The following TONSL variants were observed in gnomAD, a reference collection of about 807,000 sequenced individuals.
TONSL encodes tonsoku like, DNA repair protein.
Under a neutral mutation model 147.1 loss-of-function variants are expected in TONSL, and 112 were observed. That is an observed-to-expected ratio of 0.76 (90% CI 0.65 to 0.89). TONSL has a LOEUF of 0.89. Ranked by LOEUF, TONSL falls within the 40% of genes least tolerant of loss-of-function variation. The pLI, the probability that TONSL is intolerant of heterozygous loss-of-function variation, is 0.00. For missense variants in TONSL, 1,883 were observed against 1,864.6 expected (o/e 1.01, Z -0.18); for synonymous variants, 868 against 801.5 (o/e 1.08, Z -1.40).
In TONSL at chr8:144,430,482, T is replaced by TC. The variant is rs1211321623; in HGVS notation, c.3864dup (p.Ile1289AspfsTer21). 1.9e-6 allele frequency: 3 copies of TC among 1,613,548 alleles called. No individual in the cohort carries two copies. The highest frequency in any genetic ancestry group is 2.5e-6 in the Non-Finnish European group (3 of 1,179,742). The stretch of plus-strand genomic sequence containing the variant: ...AGCTCTTCCAAGCTGGCACAGCTGA[T>TC]CTCAGGGTTGGCAGACAGATCCAGT... On this transcript the variant is annotated frameshift_variant, in exon 25 of 26. Transcript: ENST00000409379. LOFTEE classifies it high-confidence loss of function.
Position 144,436,105 on chromosome 8 carries a change from G to T in TONSL, c.2328C>A (p.Pro776=), listed in dbSNP as rs545590970. The stretch of plus-strand genomic sequence containing the variant: ...CTGTGGCTGCTTCCCTGTTGCTGGC[G>T]GGGCCAGGCGTCCAGGCTGCCACCC... ...AQRVAAWTPG[P]ASNREAATAS... is the part of the protein sequence containing the mutation. Residue 776 remains proline, a synonymous_variant, in exon 17 of 26, where the codon CCC becomes CCA. Coordinates refer to ENST00000409379, the MANE Select transcript of TONSL (RefSeq NM_013432.5). 6 of 1,558,140 alleles carry T rather than the reference G, an allele frequency of 3.9e-6. No homozygotes were observed. Among genetic ancestry groups the T allele is most frequent in the African/African-American group, 2.7e-5 (2 of 73,986 alleles).
At chr8:144,439,729 G>C (rs1823626256) in intron 11 of TONSL, 1 of 469,192 alleles carries the variant, frequency 2.1e-6, no homozygotes, top group Non-Finnish European at 3.8e-6. Context: ...GCTCTTCAAA[G>C]TGCACCGTCT....
At chr8:144,430,972 T>C (rs1823163910) in intron 24 of TONSL, 106 bp downstream of exon 24, 1 of 1,319,990 alleles carries the variant, frequency 7.6e-7, no homozygotes, top group Non-Finnish European at 1.1e-6. Flanking sequence ...TCTTGGGATG[T>C]GCTGGGGAGG....
rs1194936395 is a variant in TONSL, at chr8:144,438,530, G to A, written c.1594C>T (p.Leu532=). 1 of 1,613,178 alleles carries A rather than the reference G, an allele frequency of 6.2e-7. No individual in the cohort carries two copies. Residue 532 remains leucine, a synonymous_variant, in exon 13 of 26, where the codon CTG becomes TTG. Transcript: ENST00000409379. The part of the protein sequence containing the change: ...WNRRNDMGET[L]LHRACIEGQL... ...CCCTCGATGCAGGCTCGGTGCAGCA[G>A]GGTCTCCCCCATGTCGTTTCGCCGG...
intron 7 of TONSL, chr8:144,441,315 A>G: frequency 4.2e-6 from 3 of 717,724 alleles, no homozygotes; most frequent in Middle Eastern, 4.0e-4. Context: ...ACTCGGGGCC[A>G]GGTACAGTGG....
chr8:144,433,636 G>A lies in TONSL; in HGVS notation c.3511C>T (p.Pro1171Ser). Residue 1171 changes from proline (P) to serine (S), a missense_variant, in exon 22 of 26, where the codon CCC becomes TCC. Physicochemically the swap from Pro to Ser is moderately conservative, Grantham distance 74 (BLOSUM62 -1). Coordinates refer to ENST00000409379, the MANE Select transcript of TONSL (RefSeq NM_013432.5). Reference sequence around the variant, plus strand: ...GTCTGGTGGCTCAGAAAGAAGCTGGGGCCGAAGCCACACGCCTGCAGGCGC... The same window carrying A: ...GTCTGGTGGCTCAGAAAGAAGCTGGAGCCGAAGCCACACGCCTGCAGGCGC... The part of the protein sequence containing the change: ...TLRLQACGFG[P>S]SFFLSHQTAL... The A allele has an allele frequency of 6.2e-7, 1 of 1,613,402 alleles. No homozygotes were observed. Among genetic ancestry groups the A allele is most frequent in the Non-Finnish European group, 8.5e-7 (1 of 1,179,964 alleles).
intron 23 of TONSL, 148 bp downstream of exon 23, chr8:144,432,137 T>C: frequency 1.1e-6 from 1 of 947,972 alleles, no homozygotes; most frequent in Non-Finnish European, 1.6e-6. Flanking sequence ...CCCAGCTGTT[T>C]TTTCTAAACC....
At chr8:144,442,640 G>A (rs1464356852) in intron 5 of TONSL, 37 bp downstream of exon 5, 2 of 1,598,842 alleles carry the variant, frequency 1.3e-6, no homozygotes, top group Non-Finnish European at 1.7e-6. Flanking sequence ...CAGGAACAAG[G>A]GACTCCACTC....
intron 25 of TONSL, 59 bp from the exon 26 acceptor site, chr8:144,429,395 C>G: frequency 7.5e-7 from 1 of 1,337,924 alleles, no homozygotes; most frequent in Non-Finnish European, 9.6e-7. Context: ...TCCTGGTGCC[C>G]GCGGCAGGCT....
In TONSL at chr8:144,440,025, C is replaced by T. The variant is rs751909785; in HGVS notation, c.1476G>A (p.Glu492=). 7.1e-6 allele frequency: 9 copies of T among 1,271,532 alleles called. No homozygotes were observed. The highest frequency in any genetic ancestry group is 6.8e-5 in the Admixed American group (4 of 58,778). The allele number at this position is 1,271,532 out of a possible 1,614,324, so 78.8% of individuals were successfully genotyped here. A position where few individuals can be genotyped will look rare whatever the true frequency, so the allele number is the denominator to read the frequency against. ...ALEAGEVELS[E]GEDDTDGLTP... is the part of the protein sequence containing the mutation. ...CAAGGTGCCGCTGGCCCTCACCGCC[C>T]TCTGAGAGCTCCACCTCGCCGGCCT... The change falls in exon 11 of 26, where the codon GAG becomes GAA. Residue 492 remains glutamate (E), a synonymous_variant. Coordinates refer to ENST00000409379, the MANE Select transcript of TONSL (RefSeq NM_013432.5).
At chr8:144,432,110 G>A (rs1294758263) in intron 23 of TONSL, among the ~76,000 whole-genome samples, 175 bp downstream of exon 23, 1 of 152,094 alleles carries the variant, frequency 6.6e-6, no homozygotes, top group Non-Finnish European at 1.5e-5. Flanking sequence ...ACAGGCGTGA[G>A]CCACCGCGCC....
chr8:144,443,088 C>A, intron 4 of TONSL, 50 bp downstream of exon 4: 1 of 1,529,240 alleles, frequency 6.5e-7, no homozygotes, highest in Non-Finnish European at 8.8e-7. Context: ...GGGCTGCAGC[C>A]TCTTCGGCCC....
In TONSL at chr8:144,442,729, G is replaced by T; in HGVS notation, c.526C>A (p.Gln176Lys). ...LNLGLTFESL[Q>K]QTALCNDYFR... is the part of the protein sequence containing the mutation. ...TAATCGTTGCACAGGGCTGTCTGCTGCAGGCTCTCAAAGGTGAGGCCCAGG... is the reference window on the plus strand; with the variant it reads ...TAATCGTTGCACAGGGCTGTCTGCTTCAGGCTCTCAAAGGTGAGGCCCAGG... The change falls in exon 5 of 26, where the codon CAG becomes AAG. Residue 176 changes from glutamine to lysine, a missense_variant. Gln to Lys is a moderately conservative substitution (Grantham distance 53). Coordinates refer to ENST00000409379, the MANE Select transcript of TONSL (RefSeq NM_013432.5). 1 of 1,613,062 alleles carries T rather than the reference G, an allele frequency of 6.2e-7. No individual in the cohort carries two copies. Among genetic ancestry groups the T allele is most frequent in the Non-Finnish European group, 8.5e-7 (1 of 1,179,968 alleles).
intron 11 of TONSL, 26 bp from the exon 12 acceptor site, chr8:144,438,761 G>C: frequency 6.2e-7 from 1 of 1,609,968 alleles, no homozygotes; most frequent in Non-Finnish European, 8.5e-7. Context: ...GCCCACCCCA[G>C]GGGAGTCCGT....
intron 18 of TONSL, 120 bp from the exon 19 acceptor site, chr8:144,435,290 C>G (rs1443652198): frequency 1.5e-6 from 2 of 1,353,948 alleles, no homozygotes; most frequent in African/African-American, 1.5e-5. Context: ...TCCCAGGTAG[C>G]CGGCCCCTCC....
At chr8:144,441,152 C>T (rs1823701202) in intron 7 of TONSL, 41 bp from the exon 8 acceptor site, 1 of 1,603,054 alleles carries the variant, frequency 6.2e-7, no homozygotes, top group Non-Finnish European at 8.5e-7. Context: ...GCACAGGGGG[C>T]CCTGACCCCA....
chr8:144,435,982 G>T lies in TONSL; in HGVS notation c.2451C>A (p.Ala817=), dbSNP rs200782686. Residue 817 remains alanine, a synonymous_variant, in exon 17 of 26, where the codon GCC becomes GCA. Coordinates refer to ENST00000409379, the MANE Select transcript of TONSL (RefSeq NM_013432.5). Reference sequence around the variant, plus strand: ...GGATGAGCGCTGCCTGGGGGGCAAGGGCTTTGCTGTGGCCCCGCGGTGGGC... The same window carrying T: ...GGATGAGCGCTGCCTGGGGGGCAAGTGCTTTGCTGTGGCCCCGCGGTGGGC... The part of the protein sequence containing the change: ...GPGPPRGHSK[A]LAPQAALIPE... The T allele has an allele frequency of 2.6e-5, 40 of 1,554,934 alleles. No individual in the cohort carries two copies. In the African/African-American group the frequency reaches 5.0e-4, roughly 19 times the overall value.
intron 5 of TONSL, 27 bp from the exon 6 acceptor site, chr8:144,442,439 A>T: frequency 6.6e-7 from 1 of 1,520,960 alleles, no homozygotes; most frequent in South Asian, 1.3e-5. Context: ...ACCACTGAGC[A>T]CCCAGGAGTG....
At position 144,440,479 on chromosome 8, in the gene TONSL, G is replaced by A. The variant is rs1284158383; in HGVS notation, c.1165-3C>T. ...ATGTTCAGCCAGGTCTTGGCCTCCTGGAGCAGGAGGAAGGACAGGGTCGGG... is the reference window on the plus strand; with the variant it reads ...ATGTTCAGCCAGGTCTTGGCCTCCTAGAGCAGGAGGAAGGACAGGGTCGGG... On this transcript the variant is annotated splice_region_variant and splice_polypyrimidine_tract_variant and intron_variant, in intron 9 of 25. Coordinates refer to ENST00000409379, the MANE Select transcript of TONSL (RefSeq NM_013432.5). The A allele has an allele frequency of 6.3e-7, 1 of 1,590,482 alleles. No individual in the cohort carries two copies. Among genetic ancestry groups the A allele is most frequent in the Non-Finnish European group, 8.6e-7 (1 of 1,164,972 alleles).
Sources: gnomAD v4.1 joint callset for allele counts (sites outside exome capture counted in the v4.1 genomes callset) on GRCh38, gnomAD v4.1.1 for gene constraint, MANE v1.5 for transcripts, NCBI Gene and HGNC (gene_info 2026-07-23, HGNC 2026-07-21) for gene names.